The following PLA2G2F variants were observed in gnomAD, a reference collection of about 807,000 sequenced individuals.
PLA2G2F encodes the protein group IIF secretory phospholipase A2.
A neutral mutation model predicts 15.9 loss-of-function variants in PLA2G2F; 17 were observed. That is an observed-to-expected ratio of 1.07 (90% CI 0.73 to 1.60). The LOEUF (loss-of-function observed/expected upper bound fraction) is 1.60. PLA2G2F is among the 40% of genes most tolerant of loss of function. PLA2G2F has a pLI of 0.00. For missense variants in PLA2G2F, 299 were observed against 278.2 expected, an observed-to-expected ratio of 1.07 and a Z score of -0.53; for synonymous variants, 119 against 106.5, an observed-to-expected ratio of 1.12 and a Z score of -0.72.
chr1:20,146,658 C>T (rs1169766552), intron 4 of PLA2G2F, among the ~76,000 whole-genome samples: 2 of 152,180 alleles, frequency 1.3e-5, no homozygotes, highest in Admixed American at 6.5e-5. Context: ...TCACAAGCAA[C>T]GCTGGCTTTG....
Position 20,148,325 on chromosome 1 carries a change from A to G in PLA2G2F, c.560A>G (p.Asn187Ser), listed in dbSNP as rs1324119884. ...GTCTACTGCCAGGGCCCCACGCCCA[A>G]CTGCAGCATCTATGAACCGCCCCCT... ...LNVYCQGPTP[N>S]CSIYEPPPEE... Residue 187 changes from asparagine (N) to serine (S), a missense_variant, in exon 5 of 5, where the codon AAC becomes AGC. By Grantham distance (46) the Asn-to-Ser change is conservative (BLOSUM62 1). Coordinates refer to ENST00000375102, the MANE Select transcript of PLA2G2F (RefSeq NM_022819.4). 1 of 1,613,990 alleles carries G rather than the reference A, an allele frequency of 6.2e-7. No homozygotes were observed. The highest frequency in any genetic ancestry group is 1.7e-5 in the Admixed American group (1 of 60,004).
Position 20,139,414 on chromosome 1 carries a change from C to G in PLA2G2F, c.-14C>G, listed in dbSNP as rs774932409. The G allele has an allele frequency of 1.3e-6, 2 of 1,548,254 alleles. No individual in the cohort carries two copies. Among genetic ancestry groups the G allele is most frequent in the Middle Eastern group, 1.7e-4 (1 of 5,978 alleles). On this transcript the variant is annotated 5_prime_UTR_variant, in exon 1 of 5. Transcript: ENST00000375102. Reference sequence around the variant, plus strand: ...TTCTGAGACCTATGTTGCTGGCCCCCCAGAACCCGCAACATGGCAGATGGG... The same window carrying G: ...TTCTGAGACCTATGTTGCTGGCCCCGCAGAACCCGCAACATGGCAGATGGG...
Position 20,149,848 on chromosome 1 carries a change from C to T in PLA2G2F, c.*1447C>T, listed in dbSNP as rs1569907159. On this transcript the variant is annotated 3_prime_UTR_variant, in exon 5 of 5. Coordinates refer to ENST00000375102, the MANE Select transcript of PLA2G2F (RefSeq NM_022819.4). Reference sequence around the variant, plus strand: ...AGCCTCAACTCAGGGTCAGCAGCCTCCACGGAGCCAGCCCCACCTGCCCGA... The same window carrying T: ...AGCCTCAACTCAGGGTCAGCAGCCTTCACGGAGCCAGCCCCACCTGCCCGA... The T allele has an allele frequency of 6.5e-6, 1 of 152,700 alleles. No individual in the cohort carries two copies. The highest frequency in any genetic ancestry group is 2.4e-5 in the African/African-American group (1 of 41,460). 9.5% of individuals were successfully genotyped at this position (152,700 alleles called of 1,614,324 possible). A position where few individuals can be genotyped will look rare whatever the true frequency, so the allele number is the denominator to read the frequency against.
chr1:20,140,257 C>T, intron 2 of PLA2G2F, 39 bp downstream of exon 2: 1 of 1,605,144 alleles, frequency 6.2e-7, no homozygotes, highest in Non-Finnish European at 8.5e-7. Flanking sequence ...TTCTCTCCCA[C>T]TCCCAGCTTG....
In PLA2G2F at chr1:20,143,722, G is replaced by C. The variant is rs376333928; in HGVS notation, c.314+132G>C. On this transcript the variant is annotated intron_variant, in intron 3 of 4. Coordinates refer to ENST00000375102, the MANE Select transcript of PLA2G2F (RefSeq NM_022819.4). ...AGGATCCAGCTTCTTTGATGACTTG[G>C]TGACCAGAGCCTGGTCTTTGACTAT... 1.5e-5 allele frequency: 18 copies of C among 1,161,554 alleles called. No individual in the cohort carries two copies. The African/African-American group carries it at 1.9e-4, about 12-fold the overall frequency. 72.0% of individuals were successfully genotyped at this position (1,161,554 alleles called of 1,614,324 possible).
At chr1:20,139,585 G>C in intron 1 of PLA2G2F, 42 bp downstream of exon 1, 1 of 1,389,920 alleles carries the variant, frequency 7.2e-7, no homozygotes, top group Non-Finnish European at 9.7e-7. Context: ...CCAGGGAGGG[G>C]CAGGGACAGG....
chr1:20,143,772 C>A, intron 3 of PLA2G2F, 182 bp downstream of exon 3: 1 of 760,468 alleles, frequency 1.3e-6, no homozygotes, highest in Non-Finnish European at 2.1e-6. Context: ...GTTTTGAGCG[C>A]TTTCTGTTGT....
In PLA2G2F at chr1:20,144,661, C is replaced by T. The variant is rs756306907; in HGVS notation, c.396C>T (p.Thr132=). 4 of 1,610,030 alleles carry T rather than the reference C, an allele frequency of 2.5e-6. No individual in the cohort carries two copies. The highest frequency in any genetic ancestry group is 3.4e-6 in the Non-Finnish European group (4 of 1,177,990). Residue 132 remains threonine, a synonymous_variant, in exon 4 of 5, where the codon ACC becomes ACT. Transcript: ENST00000375102. ...CCTATGTGGACCACTATGATCACACCATCGAGAACAACACTGAGATAGTCT... is the reference window on the plus strand; with the variant it reads ...CCTATGTGGACCACTATGATCACACTATCGAGAACAACACTGAGATAGTCT... The part of the protein sequence containing the change: ...CHPYVDHYDH[T]IENNTEIVCS...
Position 20,144,606 on chromosome 1 carries a change from A to G in PLA2G2F, c.341A>G (p.Tyr114Cys), listed in dbSNP as rs1569898580. The stretch of plus-strand genomic sequence containing the variant: ...TGCTGCCACGCCCACGACTGCTGCT[A>G]CCAGGAACTCTTTGACCAAGGCTGT... ...DWCCHAHDCCYQELFDQGCHP... is the reference protein window; with the variant it reads ...DWCCHAHDCCCQELFDQGCHP... The change falls in exon 4 of 5, where the codon TAC becomes TGC. Residue 114 changes from tyrosine (Y) to cysteine (C), a missense_variant. Coordinates refer to ENST00000375102, the MANE Select transcript of PLA2G2F (RefSeq NM_022819.4). 2 of 1,612,018 alleles carry G rather than the reference A, an allele frequency of 1.2e-6. No individual in the cohort carries two copies. Among genetic ancestry groups the G allele is most frequent in the Middle Eastern group, 1.7e-4 (1 of 6,060 alleles).
intron 3 of PLA2G2F, 51 bp from the exon 4 acceptor site, chr1:20,144,529 G>C (rs771525856): frequency 1.5e-6 from 2 of 1,328,450 alleles, no homozygotes; most frequent in African/African-American, 2.9e-5. Context: ...CTGCTGGTGG[G>C]AGATGGGCCG....
rs1408866391 is a variant in PLA2G2F, at chr1:20,148,491, C to T, written c.*90C>T. ...GGAGGGTAGGAGCCAGGCCAGGAGC[C>T]TGAGGGTTGCTGGTTGCCTCCTCCC... On this transcript the variant is annotated 3_prime_UTR_variant, in exon 5 of 5. Coordinates refer to ENST00000375102, the MANE Select transcript of PLA2G2F (RefSeq NM_022819.4). The T allele has an allele frequency of 1.2e-5, 13 of 1,101,736 alleles. No individual in the cohort carries two copies. The highest frequency in any genetic ancestry group is 2.6e-6 in the Non-Finnish European group (2 of 758,168). The allele number at this position is 1,101,736 out of a possible 1,614,324, so 68.2% of individuals were successfully genotyped here. A position where few individuals can be genotyped will look rare whatever the true frequency, so the allele number is the denominator to read the frequency against.
At position 20,148,346 on chromosome 1, in the gene PLA2G2F, C is replaced by T. The variant is rs750620520; in HGVS notation, c.581C>T (p.Pro194Leu). 6.8e-6 allele frequency: 11 copies of T among 1,613,950 alleles called. No individual in the cohort carries two copies. Among genetic ancestry groups the T allele is most frequent in the Middle Eastern group, 1.6e-4 (1 of 6,084 alleles). Residue 194 changes from proline to leucine, a missense_variant, in exon 5 of 5, where the codon CCC (proline) becomes CTC (leucine). Coordinates refer to ENST00000375102, the MANE Select transcript of PLA2G2F (RefSeq NM_022819.4). ...PTPNCSIYEP[P>L]PEEVTCSHQS... ...CCCAACTGCAGCATCTATGAACCGC[C>T]CCCTGAGGAGGTCACCTGCAGTCAC... is the stretch of plus-strand genomic sequence containing the variant.
Position 20,144,829 on chromosome 1 carries a change from C to A in PLA2G2F, c.424+140C>A, listed in dbSNP as rs1212726855. 55 of 707,608 alleles carry A rather than the reference C, an allele frequency of 7.8e-5. 3 individuals carry two copies. The highest frequency in any genetic ancestry group is 7.7e-4 in the South Asian group (43 of 56,046). The allele number at this position is 707,608 out of a possible 1,614,324, so 43.8% of individuals were successfully genotyped here. On this transcript the variant is annotated intron_variant, in intron 4 of 4. Coordinates refer to ENST00000375102, the MANE Select transcript of PLA2G2F (RefSeq NM_022819.4). Reference sequence around the variant, plus strand: ...CGGTGGCTCATGCCTGTAATCCCAGCACTTTGGGAGGCCGAGGCGGGCGGA... The same window carrying A: ...CGGTGGCTCATGCCTGTAATCCCAGAACTTTGGGAGGCCGAGGCGGGCGGA...
chr1:20,148,429 G>T lies in PLA2G2F; in HGVS notation c.*28G>T, dbSNP rs754251571. Reference sequence around the variant, plus strand: ...CCTCTGAGGTTTGAGAGAGAGAGCGGGAGGAGGGTCTGGCTTGGGGACCAG... The same window carrying T: ...CCTCTGAGGTTTGAGAGAGAGAGCGTGAGGAGGGTCTGGCTTGGGGACCAG... On this transcript the variant is annotated 3_prime_UTR_variant, in exon 5 of 5. Transcript: ENST00000375102. The T allele has an allele frequency of 1.9e-6, 3 of 1,578,164 alleles. No homozygotes were observed. The East Asian group carries it at 6.7e-5, about 35-fold the overall frequency.
intron 1 of PLA2G2F, 134 bp downstream of exon 1, chr1:20,139,677 C>A (rs1374037226): frequency 1.3e-5 from 9 of 679,452 alleles, no homozygotes; most frequent in Non-Finnish European, 1.7e-5. Flanking sequence ...TTTAGTCAAC[C>A]TTCACGTGGC....
intron 2 of PLA2G2F, chr1:20,140,652 C>T (rs557054585): frequency 3.5e-5 from 6 of 170,674 alleles, no homozygotes; most frequent in East Asian, 1.7e-4. Context: ...CACCTGAGTG[C>T]GAGCCCATTT....
intron 2 of PLA2G2F, chr1:20,140,510 G>C: frequency 2.6e-6 from 1 of 387,266 alleles, no homozygotes; most frequent in Non-Finnish European, 4.7e-6. Context: ...GTACTAGTGT[G>C]TGTCCATCAG....
At chr1:20,145,931 C>G (rs547195421) in intron 4 of PLA2G2F, among the ~76,000 whole-genome samples, 2 of 152,192 alleles carry the variant, frequency 1.3e-5, no homozygotes, top group Admixed American at 6.5e-5. Flanking sequence ...AACCAGGAAT[C>G]CTGTGTTTTG....
intron 3 of PLA2G2F, chr1:20,143,958 C>T (rs769588683): frequency 2.9e-5 from 6 of 204,818 alleles, no homozygotes; most frequent in Non-Finnish European, 5.9e-5. Flanking sequence ...CAGGACCATG[C>T]CTCCTCCATC....
Sources: allele counts gnomAD v4.1 joint callset (sites outside exome capture counted in the v4.1 genomes callset), GRCh38; gene constraint gnomAD v4.1.1; transcripts MANE v1.5; gene names NCBI Gene and HGNC (gene_info 2026-07-23, HGNC 2026-07-21).